Variants in ASNSD1 observed in about 807,000 individuals in gnomAD.
ASNSD1 encodes asparagine synthetase domain-containing protein 1.
Under a neutral mutation model 48.3 loss-of-function variants are expected in ASNSD1, and 36 were observed. The observed-to-expected ratio is 0.75, with a 90% CI of 0.57 to 0.99. ASNSD1 has a LOEUF of 0.99. Ranked by LOEUF, ASNSD1 falls within the 50% of genes least tolerant of loss-of-function variation. The pLI, the probability that ASNSD1 is intolerant of heterozygous loss-of-function variation, is 0.00. For missense variants in ASNSD1, 714 were observed against 758.2 expected, an observed-to-expected ratio of 0.94 and a Z score of 0.69; for synonymous variants, 257 against 262.1, an observed-to-expected ratio of 0.98 and a Z score of 0.19.
chr2:189,666,608 T>C lies in ASNSD1; in HGVS notation c.476T>C (p.Val159Ala), dbSNP rs752297560. The C allele has an allele frequency of 6.2e-7, 1 of 1,614,168 alleles. No individual in the cohort carries two copies. The highest frequency in any genetic ancestry group is 1.1e-5 in the South Asian group (1 of 91,088). ...GGCAAGAGTTTCTGCCTCTCTTCAG[T>C]TGGCACCCAAACATCTGGATTGGCA... ...NLGKSFCLSS[V>A]GTQTSGLANQ... Residue 159 changes from valine to alanine, a missense_variant, in exon 4 of 6, where the codon GTT (valine) becomes GCT (alanine). Physicochemically the swap from Val to Ala is moderately conservative, Grantham distance 64. Coordinates refer to ENST00000260952, the MANE Select transcript of ASNSD1 (RefSeq NM_019048.4).
Position 189,661,525 on chromosome 2 carries a change from C to T in ASNSD1, c.-308C>T, listed in dbSNP as rs2032663099. On this transcript the variant is annotated 5_prime_UTR_variant, in exon 1 of 6. Transcript: ENST00000260952. The stretch of plus-strand genomic sequence containing the variant: ...CGTGTCTTGCGCTCGGTGGAAATGC[C>T]CAGCCGAGGGACGCGACCAGAGGAC... The T allele has an allele frequency of 2.5e-6, 1 of 399,118 alleles. No homozygotes were observed. The highest frequency in any genetic ancestry group is 4.4e-5 in the Admixed American group (1 of 22,722). 24.7% of individuals were successfully genotyped at this position (399,118 alleles called of 1,614,324 possible). A position where few individuals can be genotyped will look rare whatever the true frequency, so the allele number is the denominator to read the frequency against.
intron 3 of ASNSD1, 147 bp downstream of exon 3, chr2:189,665,598 G>A (rs12693552): frequency 0.33 from 4,714 of 14,332 alleles, 1,018 homozygotes; most frequent in Middle Eastern, 0.58. Context: ...ATATATATGT[G>A]TATATATATA....
Position 189,666,203 on chromosome 2 carries a change from T to C in ASNSD1, c.71T>C (p.Leu24Pro). ...HFSQDLKEDL[L>P]YNLKQRGPNS... ...AGTCAAGATTTAAAAGAGGACTTACTATATAATCTTAAACAGCGGGGACCC... is the reference window on the plus strand; with the variant it reads ...AGTCAAGATTTAAAAGAGGACTTACCATATAATCTTAAACAGCGGGGACCC... Residue 24 changes from leucine to proline, a missense_variant, in exon 4 of 6, where the codon CTA (leucine) becomes CCA (proline). Leu to Pro is a moderately conservative substitution (Grantham distance 98, BLOSUM62 -3). Transcript: ENST00000260952. 1.9e-6 allele frequency: 3 copies of C among 1,611,690 alleles called. No homozygotes were observed. The highest frequency in any genetic ancestry group is 1.7e-6 in the Non-Finnish European group (2 of 1,179,332).
Position 189,666,488 on chromosome 2 carries a change from G to C in ASNSD1, c.356G>C (p.Trp119Ser). 1.2e-6 allele frequency: 2 copies of C among 1,613,626 alleles called. No homozygotes were observed. The highest frequency in any genetic ancestry group is 1.7e-6 in the Non-Finnish European group (2 of 1,179,874). The change falls in exon 4 of 6, where the codon TGG becomes TCG. Residue 119 changes from tryptophan to serine, a missense_variant. Trp to Ser is a radical substitution (Grantham distance 177). Coordinates refer to ENST00000260952, the MANE Select transcript of ASNSD1 (RefSeq NM_019048.4). Reference sequence around the variant, plus strand: ...CTCTTCTCAGAAGTACAAGGTCCCTGGTCATTTATATATTATCAAGCATCT... The same window carrying C: ...CTCTTCTCAGAAGTACAAGGTCCCTCGTCATTTATATATTATCAAGCATCT... ...LSLFSEVQGP[W>S]SFIYYQASSH...
rs770936668 is a variant in ASNSD1 at position 189,670,488 on chromosome 2, C to T, written c.1694C>T (p.Pro565Leu). 15 of 1,612,348 alleles carry T rather than the reference C, an allele frequency of 9.3e-6. 1 individual carries two copies. The highest frequency in any genetic ancestry group is 1.6e-4 in the Middle Eastern group (1 of 6,076). ...ENVVSFLNSL[P>L]IWEKANLTLP... ...GTTGTCTCCTTTCTAAATTCTCTGC[C>T]GATTTGGGAAAAAGCAAACTTGACT... The change falls in exon 6 of 6, where the codon CCG becomes CTG. Residue 565 changes from proline to leucine, a missense_variant. Coordinates refer to ENST00000260952, the MANE Select transcript of ASNSD1 (RefSeq NM_019048.4).
At chr2:189,663,548 C>T (rs1295298652) in intron 1 of ASNSD1, among the ~76,000 whole-genome samples, 5 of 152,292 alleles carry the variant, frequency 3.3e-5, no homozygotes, top group African/African-American at 9.6e-5. Flanking sequence ...CCACCGCACC[C>T]GGCCTGGTGT....
intron 1 of ASNSD1, among the ~76,000 whole-genome samples, chr2:189,663,051 T>TA (rs1202268721): frequency 6.6e-6 from 1 of 151,938 alleles, no homozygotes; most frequent in Non-Finnish European, 1.5e-5. Flanking sequence ...TGATAGGTCT[T>TA]ACTGTCCCCA....
In ASNSD1 at chr2:189,666,977, T is replaced by A. The variant is rs1247352953; in HGVS notation, c.845T>A (p.Val282Glu). The A allele has an allele frequency of 6.2e-7, 1 of 1,614,102 alleles. No homozygotes were observed. The highest frequency in any genetic ancestry group is 8.5e-7 in the Non-Finnish European group (1 of 1,180,048). ...VFLTDVHMKE[V>E]IQQFIDVLSV... Reference sequence around the variant, plus strand: ...CTTACTGATGTACACATGAAGGAAGTAATTCAGCAGTTCATTGATGTCCTG... The same window carrying A: ...CTTACTGATGTACACATGAAGGAAGAAATTCAGCAGTTCATTGATGTCCTG... Residue 282 changes from valine (V) to glutamate (E), a missense_variant, in exon 4 of 6, where the codon GTA becomes GAA. Transcript: ENST00000260952.
At chr2:189,670,114 G>A (rs1559036280) in intron 5 of ASNSD1, among the ~76,000 whole-genome samples, 1 of 150,522 alleles carries the variant, frequency 6.6e-6, no homozygotes, top group Non-Finnish European at 1.5e-5. Flanking sequence ...TCCGAGACCA[G>A]CCTGGGCAAT....
At chr2:189,662,256 TAAAC>T (rs898583905) in intron 1 of ASNSD1, among the ~76,000 whole-genome samples, 4 of 152,162 alleles carry the variant, frequency 2.6e-5, no homozygotes, top group Non-Finnish European at 5.9e-5. Flanking sequence ...TTAACTGCCA[TAAAC>T]AAACAACCTT....
intron 1 of ASNSD1, among the ~76,000 whole-genome samples, chr2:189,662,365 T>C (rs1006890364): frequency 6.6e-5 from 10 of 152,248 alleles, no homozygotes; most frequent in African/African-American, 2.4e-4. Context: ...AATGACATCT[T>C]GGGCAAGTCT....
chr2:189,667,636 CT>C, intron 4 of ASNSD1, 40 bp downstream of exon 4: 1 of 1,551,690 alleles, frequency 6.4e-7, no homozygotes, highest in Non-Finnish European at 8.7e-7. Context: ...TTCCTGAGAC[CT>C]ATTTTTGACC....
rs368203972 is a variant in ASNSD1 at position 189,670,528 on chromosome 2, T to C, written c.1734T>C (p.Ile578=). The change falls in exon 6 of 6, where the codon ATT becomes ATC. Residue 578 remains isoleucine (I), a synonymous_variant. Transcript: ENST00000260952. ...EKANLTLPRG[I]GEKLLLRLAA... ...CAAACTTGACTTTACCCCGAGGAAT[T>C]GGTGAAAAATTACTTTTACGCCTTG... The C allele has an allele frequency of 1.3e-4, 210 of 1,614,000 alleles. No homozygotes were observed. Among genetic ancestry groups the C allele is most frequent in the Non-Finnish European group, 1.7e-4 (203 of 1,179,978 alleles).
Position 189,664,564 on chromosome 2 carries a change from T to C in ASNSD1, c.-169+610T>C, listed in dbSNP as rs559854283. 5.9e-5 allele frequency among the ~76,000 whole-genome samples: 9 copies of C among 152,314 alleles called. No homozygotes were observed. In the South Asian group the frequency reaches 1.7e-3, roughly 28 times the overall value. On this transcript the variant is annotated intron_variant, in intron 2 of 5. Transcript: ENST00000260952. ...TAACTGGCTGGTTAGATATTTCTGA[T>C]ATTGTCACTTATGGAATATTAGAAG...
chr2:189,667,060 A>C lies in ASNSD1; in HGVS notation c.928A>C (p.Asn310His). ...CLPRDENLTA[N>H]EVLKTCDRKA... ...ACCTAGGGATGAAAACCTGACAGCA[A>C]ATGAAGTTTTGAAAACGTGTGATAG... Residue 310 changes from asparagine (N) to histidine (H), a missense_variant, in exon 4 of 6, where the codon AAT (asparagine) becomes CAT (histidine). By Grantham distance (68) the Asn-to-His change is moderately conservative (BLOSUM62 1). Transcript: ENST00000260952. 1 of 1,614,120 alleles carries C rather than the reference A, an allele frequency of 6.2e-7. No individual in the cohort carries two copies.
At chr2:189,667,739 A>G (rs1210302107) in intron 4 of ASNSD1, 25 bp from the exon 5 acceptor site, 2 of 1,581,648 alleles carry the variant, frequency 1.3e-6, no homozygotes, top group South Asian at 2.3e-5. Context: ...TAACATTTTT[A>G]TACGGATTTC....
chr2:189,662,139 C>G (rs1301618681), intron 1 of ASNSD1, among the ~76,000 whole-genome samples: 1 of 152,248 alleles, frequency 6.6e-6, no homozygotes, highest in Non-Finnish European at 1.5e-5. Flanking sequence ...CCTCATCCAC[C>G]TGTTAGCTGC....
In ASNSD1 at chr2:189,666,137, G is replaced by C; in HGVS notation, c.5G>C (p.Cys2Ser). 6.4e-7 allele frequency: 1 copy of C among 1,553,448 alleles called. No homozygotes were observed. Among genetic ancestry groups the C allele is most frequent in the Non-Finnish European group, 8.7e-7 (1 of 1,152,512 alleles). Residue 2 changes from cysteine to serine, a missense_variant, in exon 4 of 6, where the codon TGT (cysteine) becomes TCT (serine). Transcript: ENST00000260952. The part of the protein sequence containing the change: M[C>S]GICCSVNFSA... The stretch of plus-strand genomic sequence containing the variant: ...TCAACCTGATTTCACATAACAATGT[G>C]TGGCATTTGTTGTTCTGTAAACTTT...
Position 189,670,664 on chromosome 2 carries a change from T to C in ASNSD1, c.1870T>C (p.Cys624Arg). ...AATTAATGAAAAGGCATCTGATAAA[T>C]GTGGACGGCTCCAAATCATGTCCTT... Reference protein sequence around the residue: ...EKINEKASDKCGRLQIMSLEN... With the variant: ...EKINEKASDKRGRLQIMSLEN... Residue 624 changes from cysteine to arginine, a missense_variant, in exon 6 of 6, where the codon TGT becomes CGT. Transcript: ENST00000260952. The C allele has an allele frequency of 1.9e-6, 3 of 1,613,462 alleles. No individual in the cohort carries two copies. Among genetic ancestry groups the C allele is most frequent in the East Asian group, 4.5e-5 (2 of 44,854 alleles).
Sources: allele counts gnomAD v4.1 joint callset (sites outside exome capture counted in the v4.1 genomes callset), GRCh38; gene constraint gnomAD v4.1.1; transcripts MANE v1.5; gene names NCBI Gene and HGNC (gene_info 2026-07-23, HGNC 2026-07-21).